ABCA13: variants seen among roughly 807,000 people sequenced by gnomAD.
ABCA13 encodes the protein ATP-binding cassette sub-family A member 13.
In ABCA13, 476 loss-of-function variants were observed where a neutral mutation model predicts 478.7. The ratio of observed to expected loss-of-function variants is 0.99; its 90% CI spans 0.92 to 1.07. The LOEUF (loss-of-function observed/expected upper bound fraction) is 1.07, where lower values mean the gene tolerates loss of function less well. ABCA13 is among the 50% of genes least tolerant of loss of function. ABCA13 has a pLI of 0.00. For synonymous variants in ABCA13, 2,252 were observed against 2,158.9 expected, an observed-to-expected ratio of 1.04 and a Z score of -1.20; for missense variants, 6,060 against 5,910.6, an observed-to-expected ratio of 1.03 and a Z score of -0.83.
chr7:48,572,263 A>G (rs2131325938), intron 55 of ABCA13, among the ~76,000 whole-genome samples: 1 of 152,214 alleles, frequency 6.6e-6, no homozygotes, highest in Non-Finnish European at 1.5e-5. Context: ...TCAGATTAAG[A>G]AAGTTCTTTT....
At chr7:48,246,276 ACTT>A (rs1272359703) in intron 13 of ABCA13, among the ~76,000 whole-genome samples, 3 of 151,860 alleles carry the variant, frequency 2.0e-5, no homozygotes, top group East Asian at 3.9e-4. Flanking sequence ...AAAACATACC[ACTT>A]CTTCTTTTCT....
At chr7:48,339,228 T>C (rs913265630) in intron 29 of ABCA13, among the ~76,000 whole-genome samples, 4 of 152,218 alleles carry the variant, frequency 2.6e-5, no homozygotes, top group African/African-American at 9.6e-5. Flanking sequence ...GACATTTTAT[T>C]CGGCATAATA....
intron 55 of ABCA13, among the ~76,000 whole-genome samples, chr7:48,539,735 A>G (rs1260186232): frequency 6.6e-6 from 1 of 152,178 alleles, no homozygotes; most frequent in African/African-American, 2.4e-5. Context: ...ATATACTAGA[A>G]ATAATAACTC....
At chr7:48,356,802 A>G (rs975150738) in intron 31 of ABCA13, among the ~76,000 whole-genome samples, 2 of 151,946 alleles carry the variant, frequency 1.3e-5, no homozygotes, top group African/African-American at 2.4e-5. Context: ...GAATAATTTT[A>G]TGATTGGAAC....
chr7:48,598,338 C>T (rs1181643209), intron 58 of ABCA13, among the ~76,000 whole-genome samples: 1 of 152,170 alleles, frequency 6.6e-6, no homozygotes, highest in African/African-American at 2.4e-5. Flanking sequence ...TCCGCTGAAC[C>T]ACATCTTGGT....
intron 59 of ABCA13, among the ~76,000 whole-genome samples, chr7:48,620,362 T>C (rs952638304): frequency 6.6e-6 from 1 of 152,196 alleles, no homozygotes; most frequent in Non-Finnish European, 1.5e-5. Flanking sequence ...AAAAGCAGCA[T>C]GACCATTTTA....
chr7:48,517,619 C>A (rs905879182), intron 52 of ABCA13, among the ~76,000 whole-genome samples: 4 of 152,162 alleles, frequency 2.6e-5, no homozygotes, highest in Non-Finnish European at 5.9e-5. Context: ...TGGGTGTTTG[C>A]CTCTGCTTTA....
rs138364738 is a variant in ABCA13, at chr7:48,183,553, A to T, written c.70-9406A>T. ...TTATGCAAACGAACTACTTAAGGAT[A>T]GGGCTTGGTCTTCACATCTGAATTC... On this transcript the variant is annotated intron_variant, in intron 1 of 61. Transcript: ENST00000435803. 3.1e-4 allele frequency among the ~76,000 whole-genome samples: 47 copies of T among 152,340 alleles called. No individual in the cohort carries two copies. In the East Asian group the frequency reaches 8.5e-3, roughly 28 times the overall value.
rs780575078 is a variant in ABCA13, at chr7:48,287,965, C to T, written c.8842C>T (p.Pro2948Ser). 8 of 1,613,170 alleles carry T rather than the reference C, an allele frequency of 5.0e-6. No homozygotes were observed. Among genetic ancestry groups the T allele is most frequent in the East Asian group, 4.5e-5 (2 of 44,880 alleles). The change falls in exon 20 of 62, where the codon CCT (proline) becomes TCT (serine). Residue 2948 changes from proline to serine, a missense_variant. Physicochemically the swap from Pro to Ser is moderately conservative, Grantham distance 74. Transcript: ENST00000435803. ...CTGTGTGTTTCCTCTGGCAGAAAAC[C>T]CTTCCTGGACCAAGGACATTTTGTG... ...VRVLTIVAEN[P>S]SWTKDILCAT...
chr7:48,273,260 T>C lies in ABCA13; in HGVS notation c.3594T>C (p.Gly1198=). The C allele has an allele frequency of 1.2e-6, 2 of 1,613,688 alleles. No homozygotes were observed. The highest frequency in any genetic ancestry group is 1.3e-5 in the African/African-American group (1 of 75,034). ...DDVKVSKSCQ[G]ILPTHNVARL... The stretch of plus-strand genomic sequence containing the variant: ...TGAAAGTCTCTAAAAGCTGCCAGGG[T>C]ATACTTCCCACCCATAATGTTGCTA... The change falls in exon 17 of 62, where the codon GGT becomes GGC. Residue 1198 remains glycine, a synonymous_variant. Transcript: ENST00000435803.
At chr7:48,522,080 C>T (rs1585690637) in intron 53 of ABCA13, among the ~76,000 whole-genome samples, 1 of 152,178 alleles carries the variant, frequency 6.6e-6, no homozygotes, top group Non-Finnish European at 1.5e-5. Flanking sequence ...TGGGCTGATG[C>T]CTTCTCCGTG....
At chr7:48,558,328 A>G (rs529273268) in intron 55 of ABCA13, among the ~76,000 whole-genome samples, 1 of 147,126 alleles carries the variant, frequency 6.8e-6, no homozygotes, top group East Asian at 2.0e-4. Context: ...TCACTGCCTC[A>G]CCCTGTCACC....
At chr7:48,296,083 A>C (rs1164386190) in intron 21 of ABCA13, among the ~76,000 whole-genome samples, 2 of 152,222 alleles carry the variant, frequency 1.3e-5, no homozygotes, top group East Asian at 3.8e-4. Flanking sequence ...ATTGGCGATA[A>C]AGATATTAGA....
intron 15 of ABCA13, among the ~76,000 whole-genome samples, chr7:48,256,063 A>AT (rs1467013408): frequency 1.3e-5 from 2 of 151,626 alleles, no homozygotes; most frequent in Non-Finnish European, 3.0e-5. Flanking sequence ...GCAGTGGAGT[A>AT]TTTTTTCATA....
At chr7:48,465,830 C>A (rs34168722) in intron 43 of ABCA13, among the ~76,000 whole-genome samples, 5 of 142,610 alleles carry the variant, frequency 3.5e-5, no homozygotes, top group Admixed American at 2.2e-4. Flanking sequence ...CAACCTCTTT[C>A]TCTCCCCTAT....
At chr7:48,552,417 C>T (rs1485024213) in intron 55 of ABCA13, among the ~76,000 whole-genome samples, 2 of 151,660 alleles carry the variant, frequency 1.3e-5, no homozygotes, top group Non-Finnish European at 2.9e-5. Flanking sequence ...TGTTGATCAA[C>T]AGCAATGGAC....
chr7:48,408,838 C>T (rs1185286042), intron 39 of ABCA13, among the ~76,000 whole-genome samples: 1 of 152,162 alleles, frequency 6.6e-6, no homozygotes, highest in Non-Finnish European at 1.5e-5. Context: ...GATCCTCTCC[C>T]TCCCGGCTCC....
intron 59 of ABCA13, chr7:48,627,041 G>A (rs1329682816): frequency 3.0e-6 from 3 of 985,268 alleles, no homozygotes; most frequent in African/African-American, 1.7e-5. Flanking sequence ...GCTGAGCTCA[G>A]ATTCATGTTG....
intron 56 of ABCA13, among the ~76,000 whole-genome samples, chr7:48,582,760 G>A (rs1440069188): frequency 6.6e-6 from 1 of 152,102 alleles, no homozygotes; most frequent in African/African-American, 2.4e-5. Context: ...CCTTTCAAAA[G>A]TTTGATGAGG....
Sources: gnomAD v4.1 joint callset for allele counts (sites outside exome capture counted in the v4.1 genomes callset) on GRCh38, gnomAD v4.1.1 for gene constraint, MANE v1.5 for transcripts, NCBI Gene and HGNC (gene_info 2026-07-23, HGNC 2026-07-21) for gene names.